Variants in TENM2 observed in about 807,000 individuals in gnomAD.
The protein encoded by TENM2 is teneurin-2.
TENM2 carries 52 observed loss-of-function variants against 245.2 expected under a neutral mutation model. That is an observed-to-expected ratio of 0.21 (90% CI 0.17 to 0.27). The LOEUF (loss-of-function observed/expected upper bound fraction) is 0.27, where lower values mean the gene tolerates loss of function less well. TENM2 is among the 10% of genes least tolerant of loss of function. TENM2 has a pLI of 1.00. For synonymous variants in TENM2, 1,363 were observed against 1,438.9 expected (o/e 0.95, Z 1.19); for missense variants, 3,046 against 3,666.8 (o/e 0.83, Z 4.37).
At chr5:168,251,124 A>G (rs1343350731) in intron 27 of TENM2, among the ~76,000 whole-genome samples, 1 of 152,158 alleles carries the variant, frequency 6.6e-6, no homozygotes, top group African/African-American at 2.4e-5. Flanking sequence ...TGTCCCTTCC[A>G]GAAGCCTGGT....
chr5:167,227,549 A>AT, the TENM2 span, among the ~76,000 whole-genome samples: 1 of 151,730 alleles, frequency 6.6e-6, no homozygotes, highest in South Asian at 2.1e-4. Context: ...CCCTGGGTAA[A>AT]TTTTTTTTCT....
the TENM2 span, among the ~76,000 whole-genome samples, chr5:167,230,317 A>T: frequency 2.6e-5 from 4 of 152,130 alleles, no homozygotes; most frequent in African/African-American, 4.8e-5. Flanking sequence ...TTACCCTGCA[A>T]TGGGGGCCTT....
rs189130732 is a variant in TENM2 at position 167,780,362 on chromosome 5, C to T, written c.503-95624C>T. On this transcript the variant is annotated intron_variant, in intron 2 of 28. Coordinates refer to ENST00000518659, the Ensembl canonical transcript of TENM2. ...GCGGTAAAAATCTTGAGTTGCCCAACGTGCACAGTCCCAGCTGGAGCCAAA... is the reference window on the plus strand; with the variant it reads ...GCGGTAAAAATCTTGAGTTGCCCAATGTGCACAGTCCCAGCTGGAGCCAAA... Among the ~76,000 whole-genome samples the T allele has an allele frequency of 1.6e-3, 238 of 152,306 alleles. 2 individuals are homozygous for T. Among genetic ancestry groups the T allele is most frequent in the African/African-American group, 5.4e-3 (225 of 41,570 alleles).
At chr5:167,816,464 C>T (rs1429323865) in intron 2 of TENM2, among the ~76,000 whole-genome samples, 1 of 152,140 alleles carries the variant, frequency 6.6e-6, no homozygotes. Context: ...ATCTTCTCTG[C>T]CACTTTAATT....
chr5:167,902,888 G>A (rs888573119), intron 3 of TENM2, among the ~76,000 whole-genome samples: 15 of 152,116 alleles, frequency 9.9e-5, no homozygotes, highest in Non-Finnish European at 1.9e-4. Context: ...ATATTATTCT[G>A]TACTCCTGGG....
the TENM2 span, among the ~76,000 whole-genome samples, chr5:167,188,795 G>A: frequency 1.3e-4 from 20 of 152,168 alleles, no homozygotes; most frequent in African/African-American, 2.6e-4. Context: ...AAGATTATAC[G>A]AATAATATGC....
the TENM2 span, among the ~76,000 whole-genome samples, chr5:167,059,485 A>C: frequency 6.6e-6 from 1 of 152,268 alleles, no homozygotes; most frequent in South Asian, 2.1e-4. Context: ...GAGGTGCCAA[A>C]TGAAAGATCA....
rs1763528584 is a variant in TENM2, at chr5:168,219,955, G to A, written c.5108+956G>A. 3.3e-5 allele frequency among the ~76,000 whole-genome samples: 5 copies of A among 151,960 alleles called. No homozygotes were observed. The South Asian group carries it at 1.0e-3, about 32-fold the overall frequency. On this transcript the variant is annotated intron_variant, in intron 23 of 28. Coordinates refer to ENST00000518659, the Ensembl canonical transcript of TENM2. ...CAATGGTCTTGGGAGAATGTAAAAGGAAGCTGTTGCCACCTGCTGGATATT... is the reference window on the plus strand; with the variant it reads ...CAATGGTCTTGGGAGAATGTAAAAGAAAGCTGTTGCCACCTGCTGGATATT...
At chr5:168,042,284 A>G (rs528700714) in intron 5 of TENM2, among the ~76,000 whole-genome samples, 1 of 152,126 alleles carries the variant, frequency 6.6e-6, no homozygotes, top group East Asian at 1.9e-4. Context: ...TCCTCGCGTT[A>G]TGTATCGACA....
chr5:168,169,694 G>A (rs1208085369), intron 13 of TENM2, among the ~76,000 whole-genome samples: 1 of 152,194 alleles, frequency 6.6e-6, no homozygotes, highest in Non-Finnish European at 1.5e-5. Context: ...AAGGGTTCTG[G>A]TTCCCATGCC....
At chr5:167,644,894 G>T (rs1357354271) in intron 2 of TENM2, among the ~76,000 whole-genome samples, 3 of 152,280 alleles carry the variant, frequency 2.0e-5, no homozygotes, top group African/African-American at 7.2e-5. Flanking sequence ...TTTCATCATT[G>T]TGGGAATATG....
At chr5:167,632,759 A>T (rs1474545921) in intron 2 of TENM2, among the ~76,000 whole-genome samples, 1 of 152,170 alleles carries the variant, frequency 6.6e-6, no homozygotes, top group Non-Finnish European at 1.5e-5. Context: ...AGTAGGCACT[A>T]TGTAGCTATT....
At chr5:168,224,546 C>G (rs1007701848) in intron 23 of TENM2, among the ~76,000 whole-genome samples, 32 of 152,148 alleles carry the variant, frequency 2.1e-4, no homozygotes, top group Non-Finnish European at 3.2e-4. Flanking sequence ...TTGATGTTGT[C>G]ATCCTAAGCC....
intron 2 of TENM2, among the ~76,000 whole-genome samples, chr5:167,747,679 A>G (rs1761688154): frequency 6.6e-6 from 1 of 152,158 alleles, no homozygotes; most frequent in East Asian, 1.9e-4. Flanking sequence ...TGAAGGGACT[A>G]AGGACTGAAT....
intron 1 of TENM2, among the ~76,000 whole-genome samples, chr5:167,305,484 C>T (rs1214949562): frequency 6.6e-6 from 1 of 152,096 alleles, no homozygotes; most frequent in African/African-American, 2.4e-5. Flanking sequence ...TCTTTTTTAT[C>T]AACCCTTCTC....
chr5:167,151,127 A>G, the TENM2 span, among the ~76,000 whole-genome samples: 1 of 152,202 alleles, frequency 6.6e-6, no homozygotes, highest in Non-Finnish European at 1.5e-5. Context: ...AACATTGCCA[A>G]ATCTTTTATT....
At chr5:168,235,183 G>A (rs1460030165) in intron 25 of TENM2, among the ~76,000 whole-genome samples, 2 of 152,168 alleles carry the variant, frequency 1.3e-5, no homozygotes, top group East Asian at 1.9e-4. Flanking sequence ...CATTCTTCAC[G>A]TGACTAATAT....
In TENM2 at chr5:167,378,635, C is replaced by T. The variant is rs145461685; in HGVS notation, c.502+3162C>T. 4.1e-4 allele frequency among the ~76,000 whole-genome samples: 62 copies of T among 152,142 alleles called. 1 individual carries two copies. Among genetic ancestry groups the T allele is most frequent in the Admixed American group, 1.5e-3 (23 of 15,252 alleles). The stretch of plus-strand genomic sequence containing the variant: ...AAATTTGAAAGGGCTTTCCTAGTAA[C>T]TTTAAATTAGAGTCCATACTTTTGT... On this transcript the variant is annotated intron_variant, in intron 2 of 28. Coordinates refer to ENST00000518659, the Ensembl canonical transcript of TENM2.
the TENM2 span, among the ~76,000 whole-genome samples, chr5:167,037,534 A>T: frequency 6.6e-6 from 1 of 152,186 alleles, no homozygotes; most frequent in African/African-American, 2.4e-5. Context: ...TCACTTTGTT[A>T]CTACAGAGAG....
Sources: allele counts gnomAD v4.1 joint callset (sites outside exome capture counted in the v4.1 genomes callset), GRCh38; gene constraint gnomAD v4.1.1; transcripts MANE v1.5; gene names NCBI Gene and HGNC (gene_info 2026-07-23, HGNC 2026-07-21).